FOXP2: variants seen among roughly 807,000 people sequenced by gnomAD.
FOXP2 encodes the protein forkhead box protein P2.
Under a neutral mutation model 115.8 loss-of-function variants are expected in FOXP2, and 12 were observed. The observed-to-expected ratio is 0.10, with a 90% CI of 0.07 to 0.17. FOXP2 has a LOEUF of 0.17. Ranked by LOEUF, FOXP2 falls within the 10% of genes least tolerant of loss-of-function variation. FOXP2 has a pLI of 1.00. For synonymous variants in FOXP2, 328 were observed against 297.7 expected, an observed-to-expected ratio of 1.10 and a Z score of -1.05; for missense variants, 629 against 843.5, an observed-to-expected ratio of 0.75 and a Z score of 3.15.
intron 1 of FOXP2, among the ~76,000 whole-genome samples, chr7:114,253,509 G>T (rs561200153): frequency 6.6e-6 from 1 of 152,212 alleles, no homozygotes; most frequent in East Asian, 1.9e-4. Flanking sequence ...AGGATAGTTA[G>T]CTCTTCTTGT....
intron 3 of FOXP2, among the ~76,000 whole-genome samples, chr7:114,614,995 C>T (rs551729648): frequency 1.6e-4 from 25 of 152,090 alleles, no homozygotes; most frequent in East Asian, 7.7e-4. Flanking sequence ...CCGAGGCGGG[C>T]GGATCACAAG....
At chr7:114,579,888 C>T (rs183205163) in intron 3 of FOXP2, among the ~76,000 whole-genome samples, 66 of 152,050 alleles carry the variant, frequency 4.3e-4, no homozygotes, top group African/African-American at 1.5e-3. Flanking sequence ...ATGGGAAATA[C>T]GTAATTTAGG....
At chr7:114,157,918 G>A (rs765377056) in intron 1 of FOXP2, among the ~76,000 whole-genome samples, 2 of 152,026 alleles carry the variant, frequency 1.3e-5, no homozygotes, top group Non-Finnish European at 2.9e-5. Context: ...AAGAGAGACT[G>A]CTTTTAAGAT....
chr7:114,452,432 T>G (rs1216587891), intron 2 of FOXP2, among the ~76,000 whole-genome samples: 1 of 152,074 alleles, frequency 6.6e-6, no homozygotes, highest in Admixed American at 6.6e-5. Context: ...TAAATGCTAT[T>G]TCTGTCATAG....
chr7:114,525,973 G>A (rs1798836262), intron 2 of FOXP2, among the ~76,000 whole-genome samples: 3 of 151,752 alleles, frequency 2.0e-5, no homozygotes, highest in Admixed American at 6.6e-5. Flanking sequence ...TTATCTGGGC[G>A]TGGTAGCAGG....
intron 3 of FOXP2, among the ~76,000 whole-genome samples, chr7:114,572,041 A>G (rs915497473): frequency 6.6e-6 from 1 of 151,832 alleles, no homozygotes; most frequent in Admixed American, 6.6e-5. Flanking sequence ...TATACAATCA[A>G]TGTCTTCCTG....
At chr7:114,424,516 T>G (rs1410632333) in intron 1 of FOXP2, among the ~76,000 whole-genome samples, 1 of 151,530 alleles carries the variant, frequency 6.6e-6, no homozygotes, top group African/African-American at 2.4e-5. Flanking sequence ...AATTATAATT[T>G]TCATATAACT....
intron 2 of FOXP2, among the ~76,000 whole-genome samples, chr7:114,310,903 T>C (rs959023738): frequency 1.3e-5 from 2 of 152,116 alleles, no homozygotes; most frequent in Non-Finnish European, 2.9e-5. Context: ...ACTTGAGAGA[T>C]CAAGTGTGCA....
At chr7:114,165,611 A>G (rs896368362) in intron 1 of FOXP2, among the ~76,000 whole-genome samples, 2 of 152,236 alleles carry the variant, frequency 1.3e-5, no homozygotes, top group African/African-American at 2.4e-5. Flanking sequence ...CTCTGATGAA[A>G]GAAAATCAAA....
At chr7:114,560,760 A>G (rs1036588024) in intron 3 of FOXP2, among the ~76,000 whole-genome samples, 2 of 152,258 alleles carry the variant, frequency 1.3e-5, no homozygotes, top group African/African-American at 2.4e-5. Flanking sequence ...ATTGTAACCC[A>G]AAATTCGTCC....
intron 3 of FOXP2, among the ~76,000 whole-genome samples, chr7:114,588,407 G>A (rs771710833): frequency 3.3e-5 from 5 of 152,078 alleles, no homozygotes; most frequent in South Asian, 4.1e-4. Context: ...AAAATGCTCC[G>A]AAATGATAAG....
intron 1 of FOXP2, among the ~76,000 whole-genome samples, chr7:114,175,493 A>G (rs1793264829): frequency 3.9e-5 from 6 of 152,192 alleles, no homozygotes; most frequent in Admixed American, 3.3e-4. Context: ...CTTCACATAC[A>G]TGACCTAATG....
intron 2 of FOXP2, among the ~76,000 whole-genome samples, chr7:114,331,551 G>T (rs1489857804): frequency 6.6e-6 from 1 of 152,112 alleles, no homozygotes; most frequent in Non-Finnish European, 1.5e-5. Flanking sequence ...GGAGGAAAAC[G>T]TGTCAGCTTC....
intron 1 of FOXP2, among the ~76,000 whole-genome samples, chr7:114,181,484 G>A (rs779590558): frequency 6.6e-6 from 1 of 151,840 alleles, no homozygotes; most frequent in Non-Finnish European, 1.5e-5. Context: ...AACCTCTGCT[G>A]TCATTCAAGA....
At position 114,478,946 on chromosome 7, in the gene FOXP2, A is replaced by G. The variant is rs60536236; in HGVS notation, c.168+52267A>G. On this transcript the variant is annotated intron_variant, in intron 2 of 16. Coordinates refer to ENST00000350908, the MANE Select transcript of FOXP2 (RefSeq NM_014491.4). ...ATCCTTACATCACTATTTCAAAATT[A>G]TGTTATAGGGAAAGTTTTTCTCTCA... Among the ~76,000 whole-genome samples the G allele has an allele frequency of 6.6e-5, 10 of 151,850 alleles. No homozygotes were observed. In the East Asian group the frequency reaches 1.4e-3, roughly 21 times the overall value.
At chr7:114,228,479 T>C (rs1256599389) in intron 1 of FOXP2, among the ~76,000 whole-genome samples, 2 of 151,978 alleles carry the variant, frequency 1.3e-5, no homozygotes, top group Non-Finnish European at 2.9e-5. Flanking sequence ...AGAAAATAGC[T>C]GGTGAAGTGG....
At chr7:114,576,046 C>G (rs906317803) in intron 3 of FOXP2, among the ~76,000 whole-genome samples, 3 of 151,766 alleles carry the variant, frequency 2.0e-5, no homozygotes, top group African/African-American at 7.3e-5. Context: ...GGTATTCATA[C>G]TATGGCCCTT....
At chr7:114,375,898 A>C (rs1171709801) in intron 2 of FOXP2, among the ~76,000 whole-genome samples, 3 of 151,016 alleles carry the variant, frequency 2.0e-5, no homozygotes, top group African/African-American at 7.3e-5. Context: ...TTTAAATGGA[A>C]GGGAGAGATC....
At chr7:114,580,038 A>G (rs2129300889) in intron 3 of FOXP2, among the ~76,000 whole-genome samples, 1 of 152,356 alleles carries the variant, frequency 6.6e-6, no homozygotes, top group Admixed American at 6.5e-5. Context: ...GTATAGGCTA[A>G]TGCCAGAATT....
Sources: allele counts gnomAD v4.1 joint callset (sites outside exome capture counted in the v4.1 genomes callset), GRCh38; gene constraint gnomAD v4.1.1; transcripts MANE v1.5; gene names NCBI Gene and HGNC (gene_info 2026-07-23, HGNC 2026-07-21).